Variants in PPP4R3A observed in about 807,000 individuals in gnomAD.
PPP4R3A encodes the protein serine/threonine-protein phosphatase 4 regulatory subunit 3A.
PPP4R3A carries 15 observed loss-of-function variants against 91.7 expected under a neutral mutation model. That is an observed-to-expected ratio of 0.16 (90% CI 0.11 to 0.25). PPP4R3A has a LOEUF of 0.25. PPP4R3A is among the 10% of genes least tolerant of loss of function. The pLI, the probability that PPP4R3A is intolerant of heterozygous loss-of-function variation, is 1.00. For missense variants in PPP4R3A, 623 were observed against 998.4 expected, an observed-to-expected ratio of 0.62 and a Z score of 5.07; for synonymous variants, 377 against 348.7, an observed-to-expected ratio of 1.08 and a Z score of -0.91.
At chr14:91,507,717 A>T (rs1418154175) in intron 1 of PPP4R3A, among the ~76,000 whole-genome samples, 1 of 101,598 alleles carries the variant, frequency 9.8e-6, no homozygotes, top group Non-Finnish European at 2.1e-5. Flanking sequence ...TTAAACTTTT[A>T]TACTTAAAAA....
intron 2 of PPP4R3A, among the ~76,000 whole-genome samples, chr14:91,486,355 G>A (rs1889881205): frequency 1.3e-5 from 2 of 148,658 alleles, no homozygotes; most frequent in Admixed American, 6.8e-5. Context: ...TTCATTTTTT[G>A]TAGAGATGGA....
rs765911270 is a variant in PPP4R3A, at chr14:91,481,835, T to C, written c.656A>G (p.Asp219Gly). The change falls in exon 4 of 15, where the codon GAC becomes GGC. Residue 219 changes from aspartate (D) to glycine (G), a missense_variant. Transcript: ENST00000554943. The stretch of plus-strand genomic sequence containing the variant: ...ATCATATTCTAAACATCCAATGACG[T>C]CCATTATACATTCTTCAGAGAACAT... The part of the protein sequence containing the change: ...EVMFSEECIM[D>G]VIGCLEYDPA... The C allele has an allele frequency of 6.2e-7, 1 of 1,614,132 alleles. No individual in the cohort carries two copies. The highest frequency in any genetic ancestry group is 8.5e-7 in the Non-Finnish European group (1 of 1,180,024).
intron 1 of PPP4R3A, among the ~76,000 whole-genome samples, chr14:91,499,054 T>A (rs1890774494): frequency 6.6e-6 from 1 of 151,934 alleles, no homozygotes; most frequent in Non-Finnish European, 1.5e-5. Context: ...CCCAAAGTGC[T>A]GGGATTACAG....
intron 10 of PPP4R3A, among the ~76,000 whole-genome samples, chr14:91,465,805 T>TTAA (rs1000043492): frequency 6.6e-6 from 1 of 152,180 alleles, no homozygotes; most frequent in African/African-American, 2.4e-5. Context: ...AAAAAACCAG[T>TTAA]GTTTTATTAG....
In PPP4R3A at chr14:91,509,576, G is replaced by A. The variant is rs776293909; in HGVS notation, c.72C>T (p.Thr24=). Residue 24 remains threonine, a synonymous_variant, in exon 1 of 15, where the codon ACC becomes ACT. Coordinates refer to ENST00000554943, the MANE Select transcript of PPP4R3A (RefSeq NM_001366432.2). ...CCACGTAGCCAGACGACACATGCCCGGTGCCCCGGTCGTCCCACTGCCGGT... is the reference window on the plus strand; with the variant it reads ...CCACGTAGCCAGACGACACATGCCCAGTGCCCCGGTCGTCCCACTGCCGGT... ...NEDRQWDDRG[T]GHVSSGYVER... is the part of the protein sequence containing the mutation. 2 of 1,602,616 alleles carry A rather than the reference G, an allele frequency of 1.2e-6. No individual in the cohort carries two copies. The highest frequency in any genetic ancestry group is 8.5e-7 in the Non-Finnish European group (1 of 1,178,820).
chr14:91,469,591 GAC>G (rs1471724623), intron 10 of PPP4R3A, among the ~76,000 whole-genome samples: 3 of 152,286 alleles, frequency 2.0e-5, no homozygotes, highest in African/African-American at 7.2e-5. Context: ...TGGGTGGGGA[GAC>G]AGTGTCTCTC....
chr14:91,476,723 G>C lies in PPP4R3A; in HGVS notation c.993+186C>G, dbSNP rs111303395. ...TAGGATTACAGGTGCCCGCCACCATGCTTGGCTAATTTTTGTACTTTTTAG... is the reference window on the plus strand; with the variant it reads ...TAGGATTACAGGTGCCCGCCACCATCCTTGGCTAATTTTTGTACTTTTTAG... On this transcript the variant is annotated intron_variant, in intron 5 of 14. Coordinates refer to ENST00000554943, the MANE Select transcript of PPP4R3A (RefSeq NM_001366432.2). Among the ~76,000 whole-genome samples, 5 of 152,270 alleles carry C rather than the reference G, an allele frequency of 3.3e-5. 1 individual carries two copies. The highest frequency in any genetic ancestry group is 7.2e-5 in the African/African-American group (3 of 41,564).
Position 91,466,117 on chromosome 14 carries a change from T to C in PPP4R3A, c.1661-698A>G, listed in dbSNP as rs769284256. ...TAAAAGGTATATTTACATCTTGAGGTATGGGGAGTTACTTAAGTCACCATT... is the reference window on the plus strand; with the variant it reads ...TAAAAGGTATATTTACATCTTGAGGCATGGGGAGTTACTTAAGTCACCATT... On this transcript the variant is annotated intron_variant, in intron 10 of 14. Coordinates refer to ENST00000554943, the MANE Select transcript of PPP4R3A (RefSeq NM_001366432.2). 8.1e-6 allele frequency: 3 copies of C among 371,382 alleles called. No individual in the cohort carries two copies. The South Asian group carries it at 3.3e-4, about 40-fold the overall frequency. The allele number at this position is 371,382 out of a possible 1,614,324, so 23.0% of individuals were successfully genotyped here.
In PPP4R3A at chr14:91,476,543, A is replaced by G. The variant is rs1889218211; in HGVS notation, c.994-19T>C. ...AGTTAACCTGAAATTAGAAAAAAGG[A>G]TAAGTGATATAAAAAGTTTATTTTA... On this transcript the variant is annotated intron_variant, in intron 5 of 14. Transcript: ENST00000554943. The G allele has an allele frequency of 4.8e-6, 7 of 1,458,136 alleles. No homozygotes were observed. The highest frequency in any genetic ancestry group is 4.5e-5 in the East Asian group (2 of 44,012). 90.3% of individuals were successfully genotyped at this position (1,458,136 alleles called of 1,614,324 possible).
In PPP4R3A at chr14:91,471,085, C is replaced by T. The variant is rs1227555899; in HGVS notation, c.1502-90G>A. ...AACTCAAATTCTAATCAAGTAAAATCTCTTCTATTAACCTAAATATATTAA... is the reference window on the plus strand; with the variant it reads ...AACTCAAATTCTAATCAAGTAAAATTTCTTCTATTAACCTAAATATATTAA... On this transcript the variant is annotated intron_variant, in intron 9 of 14. Transcript: ENST00000554943. 3 of 1,263,312 alleles carry T rather than the reference C, an allele frequency of 2.4e-6. No homozygotes were observed. The East Asian group carries it at 7.4e-5, about 31-fold the overall frequency. 78.3% of individuals were successfully genotyped at this position (1,263,312 alleles called of 1,614,324 possible).
chr14:91,460,386 C>T lies in PPP4R3A; in HGVS notation c.2391+995G>A, dbSNP rs898906730. On this transcript the variant is annotated intron_variant, in intron 14 of 14. Transcript: ENST00000554943. Reference sequence around the variant, plus strand: ...TCTCAAGCCTGCCTCTTCATTTCAGCGTGTCTCAGATTCACTTCTTAGCCG... The same window carrying T: ...TCTCAAGCCTGCCTCTTCATTTCAGTGTGTCTCAGATTCACTTCTTAGCCG... Among the ~76,000 whole-genome samples the T allele has an allele frequency of 2.6e-5, 4 of 151,686 alleles. No homozygotes were observed. The East Asian group carries it at 5.8e-4, about 22-fold the overall frequency.
chr14:91,495,308 G>GTGTGTGTGTGTC (rs1414588417), intron 1 of PPP4R3A, among the ~76,000 whole-genome samples: 4 of 145,432 alleles, frequency 2.8e-5, no homozygotes, highest in African/African-American at 1.0e-4. Context: ...CATAATGTGT[G>GTGTGTGTGTGTC]TGTGTGTGTG....
Position 91,462,190 on chromosome 14 carries a change from G to C in PPP4R3A, c.2023C>G (p.Leu675Val). 1 of 1,604,100 alleles carries C rather than the reference G, an allele frequency of 6.2e-7. No individual in the cohort carries two copies. The highest frequency in any genetic ancestry group is 8.5e-7 in the Non-Finnish European group (1 of 1,176,928). ...NHRYRRDART[L>V]EDEEEMWFNT... ...AACCACATCTCTTCTTCATCTTCTA[G>C]TGTTCTGGCATCTCTTCGATATCTG... Residue 675 changes from leucine to valine, a missense_variant, in exon 13 of 15, where the codon CTA (leucine) becomes GTA (valine). Around this residue, in one of 5 missense-constraint regions of PPP4R3A, gnomAD observed 201 missense variants for 229.9 expected, o/e 0.87. Coordinates refer to ENST00000554943, the MANE Select transcript of PPP4R3A (RefSeq NM_001366432.2).
chr14:91,488,235 C>G (rs1457207758), intron 2 of PPP4R3A, among the ~76,000 whole-genome samples: 12 of 151,852 alleles, frequency 7.9e-5, no homozygotes, highest in African/African-American at 2.9e-4. Flanking sequence ...ATTTATCTGC[C>G]AAACTGCATA....
At chr14:91,502,364 T>G (rs1281660578) in intron 1 of PPP4R3A, among the ~76,000 whole-genome samples, 3 of 152,138 alleles carry the variant, frequency 2.0e-5, no homozygotes, top group Non-Finnish European at 4.4e-5. Context: ...AGTTTGAGGC[T>G]GCAGTGAGCT....
At chr14:91,459,913 T>C (rs1340949930) in intron 14 of PPP4R3A, among the ~76,000 whole-genome samples, 1 of 151,994 alleles carries the variant, frequency 6.6e-6, no homozygotes, top group Non-Finnish European at 1.5e-5. Context: ...GCTTTTTCTA[T>C]TTATTAGAGG....
intron 9 of PPP4R3A, 128 bp from the exon 10 acceptor site, chr14:91,471,123 G>A (rs1567148998): frequency 2.4e-6 from 2 of 840,706 alleles, no homozygotes; most frequent in Non-Finnish European, 3.5e-6. Context: ...TTAGGGAGGA[G>A]GAAATTAGCA....
chr14:91,468,010 A>G (rs1188879258), intron 10 of PPP4R3A, among the ~76,000 whole-genome samples: 2 of 152,160 alleles, frequency 1.3e-5, no homozygotes, highest in Non-Finnish European at 2.9e-5. Context: ...CTTTGATAAA[A>G]ACTCCTATTG....
intron 1 of PPP4R3A, among the ~76,000 whole-genome samples, chr14:91,509,098 C>A: frequency 6.6e-6 from 1 of 152,318 alleles, no homozygotes; most frequent in East Asian, 1.9e-4. Context: ...ACTTTCTTAG[C>A]TCCAAGCAAA....
Sources: gnomAD v4.1 joint callset for allele counts (sites outside exome capture counted in the v4.1 genomes callset) on GRCh38, gnomAD v4.1.1 for gene constraint, gnomAD v4.1.1 regional missense constraint, MANE v1.5 for transcripts, NCBI Gene and HGNC (gene_info 2026-07-23, HGNC 2026-07-21) for gene names.